The following LCA5L variants were observed in gnomAD, a reference collection of about 807,000 sequenced individuals.
LCA5L encodes the protein lebercilin-like protein.
A neutral mutation model predicts 45.4 loss-of-function variants in LCA5L; 35 were observed. The observed-to-expected ratio is 0.77, with a 90% CI of 0.59 to 1.02. The LOEUF is 1.02. Among genes scored for constraint, LCA5L ranks in the 50% least tolerant of loss-of-function variants. LCA5L has a pLI of 0.00. For missense variants in LCA5L, 668 were observed against 761.6 expected, an observed-to-expected ratio of 0.88 and a Z score of 1.45; for synonymous variants, 233 against 264.7, an observed-to-expected ratio of 0.88 and a Z score of 1.16.
At position 39,420,021 on chromosome 21, in the gene LCA5L, T is replaced by G. The variant is rs180985351; in HGVS notation, c.975+685A>C. Among the ~76,000 whole-genome samples, 10 of 152,300 alleles carry G rather than the reference T, an allele frequency of 6.6e-5. No individual in the cohort carries two copies. The East Asian group carries it at 1.9e-3, about 29-fold the overall frequency. ...AATATTATGTTTTTAAACGTTAATT[T>G]TGAGTTACATTAAAATGTTAACAAA... On this transcript the variant is annotated intron_variant, in intron 7 of 10. Coordinates refer to ENST00000288350, the MANE Select transcript of LCA5L (RefSeq NM_152505.4).
chr21:39,442,877 G>T (rs1395120432), intron 2 of LCA5L, among the ~76,000 whole-genome samples: 14 of 150,028 alleles, frequency 9.3e-5, no homozygotes, highest in Admixed American at 9.2e-4. Context: ...GTGTGAATCT[G>T]TGCCTTGTGC....
intron 7 of LCA5L, among the ~76,000 whole-genome samples, chr21:39,415,608 C>T (rs2040992236): frequency 6.6e-6 from 1 of 152,170 alleles, no homozygotes; most frequent in African/African-American, 2.4e-5. Context: ...TCAATAATTC[C>T]TTCACATAAT....
At chr21:39,419,480 G>C (rs924251341) in intron 7 of LCA5L, among the ~76,000 whole-genome samples, 1 of 144,674 alleles carries the variant, frequency 6.9e-6, no homozygotes, top group Non-Finnish European at 1.5e-5. Context: ...AGCCAGGATG[G>C]TGCCACCGCA....
At chr21:39,414,738 CTCTCTGTG>C (rs1301272188) in intron 7 of LCA5L, among the ~76,000 whole-genome samples, 128 of 107,376 alleles carry the variant, frequency 1.2e-3, no homozygotes, top group Middle Eastern at 5.3e-3. Context: ...CTCTCTCTCT[CTCTCTGTG>C]TGTGTGTGTG....
Position 39,419,523 on chromosome 21 carries a change from C to CAAAAA in LCA5L, c.975+1178_975+1182dup, listed in dbSNP as rs5843964. Among the ~76,000 whole-genome samples the CAAAAA allele has an allele frequency of 1.9e-4, 24 of 123,530 alleles. No individual in the cohort carries two copies. The South Asian group carries it at 4.9e-3, about 25-fold the overall frequency. 81.0% of individuals were successfully genotyped at this position (123,530 alleles called of 152,430 possible). ...CTGGGCAACAGAGCAAGACCCTGTT[C>CAAAAA]AAAAAAAAAAAAGAAAAAAGAAAAA... is the stretch of plus-strand genomic sequence containing the variant. On this transcript the variant is annotated intron_variant, in intron 7 of 10. Transcript: ENST00000288350.
At chr21:39,408,060 C>G (rs1017957932) in intron 10 of LCA5L, 1 of 152,222 alleles carries the variant, frequency 6.6e-6, no homozygotes, top group Non-Finnish European at 1.5e-5. Context: ...ATTTGCAGCC[C>G]TGAATGAACT....
At chr21:39,439,366 G>GT (rs2076590245) in intron 2 of LCA5L, among the ~76,000 whole-genome samples, 1 of 152,196 alleles carries the variant, frequency 6.6e-6, no homozygotes, top group Admixed American at 6.5e-5. Flanking sequence ...CTCCAGAGCT[G>GT]TAAGAAAATA....
At chr21:39,414,713 C>CCTCTCTCTCT (rs147915021) in intron 7 of LCA5L, among the ~76,000 whole-genome samples, 3 of 119,882 alleles carry the variant, frequency 2.5e-5, no homozygotes, top group East Asian at 2.4e-4. Context: ...TGGTTCTCTC[C>CCTCTCTCTCT]CTCTCTCTCT....
In LCA5L at chr21:39,445,716, G is replaced by A. The variant is rs749128906; in HGVS notation, c.-313+9C>T. ...CTGAGGGGGACGACGGCAGCAGCGG[G>A]GCCGTTACCTGCTCCGCGCTGTTCC... On this transcript the variant is annotated intron_variant, in intron 1 of 10. Coordinates refer to ENST00000288350, the MANE Select transcript of LCA5L (RefSeq NM_152505.4). The A allele has an allele frequency of 1.4e-4, 22 of 152,358 alleles. No homozygotes were observed. The highest frequency in any genetic ancestry group is 3.9e-4 in the East Asian group (2 of 5,194). 9.4% of individuals were successfully genotyped at this position (152,358 alleles called of 1,614,324 possible). A position where few individuals can be genotyped will look rare whatever the true frequency, so the allele number is the denominator to read the frequency against.
chr21:39,423,243 C>A lies in LCA5L; in HGVS notation c.570G>T (p.Glu190Asp). Residue 190 changes from glutamate (E) to aspartate (D), a missense_variant, in exon 6 of 11, where the codon GAG (glutamate) becomes GAT (aspartate). By Grantham distance (45) the Glu-to-Asp change is conservative. Transcript: ENST00000288350. ...LRHLKAIGKY[E>D]NSQNNLPQIM... ...TTTGAGGTAGATTATTTTGTGAATT[C>A]TCATATTTTCCTATAGCTTTCAAAT... 3 of 1,610,034 alleles carry A rather than the reference C, an allele frequency of 1.9e-6. No individual in the cohort carries two copies. Among genetic ancestry groups the A allele is most frequent in the South Asian group, 1.1e-5 (1 of 89,416 alleles).
Position 39,406,446 on chromosome 21 carries a change from ATT to A in LCA5L, c.1447_1448del (p.Asn483SerfsTer11). On this transcript the variant is annotated frameshift_variant, in exon 11 of 11. Coordinates refer to ENST00000288350, the MANE Select transcript of LCA5L (RefSeq NM_152505.4). LOFTEE classifies it low-confidence loss of function (END_TRUNC). Reference sequence around the variant, plus strand: ...TTTCTCTTACTAGAACATCTTCTTGATTGCTTTCTCTTTCAGGATGAATAACT... The same window carrying A: ...TTTCTCTTACTAGAACATCTTCTTGAGCTTTCTCTTTCAGGATGAATAACT... ...IEVIHPERES[N>X]QEDVLVREKF... is the part of the protein sequence containing the mutation. 1 of 1,613,940 alleles carries A rather than the reference ATT, an allele frequency of 6.2e-7. No homozygotes were observed. The highest frequency in any genetic ancestry group is 8.5e-7 in the Non-Finnish European group (1 of 1,179,952).
chr21:39,412,557 A>AG (rs1332179987), intron 7 of LCA5L, among the ~76,000 whole-genome samples: 1 of 151,974 alleles, frequency 6.6e-6, no homozygotes, highest in African/African-American at 2.4e-5. Context: ...TGAAGTAAGG[A>AG]GGAAGGAACC....
Position 39,430,570 on chromosome 21 carries a change from T to C in LCA5L, c.-91-1359A>G, listed in dbSNP as rs192772628. Among the ~76,000 whole-genome samples, 18 of 152,176 alleles carry C rather than the reference T, an allele frequency of 1.2e-4. No individual in the cohort carries two copies. The East Asian group carries it at 3.5e-3, about 29-fold the overall frequency. On this transcript the variant is annotated intron_variant, in intron 3 of 10. Coordinates refer to ENST00000288350, the MANE Select transcript of LCA5L (RefSeq NM_152505.4). Reference sequence around the variant, plus strand: ...AATGTGAGTGACACCACCAATCCCATAGGGTTGAGAAAGAAAAGAAGCTTA... The same window carrying C: ...AATGTGAGTGACACCACCAATCCCACAGGGTTGAGAAAGAAAAGAAGCTTA...
chr21:39,411,848 G>T, intron 7 of LCA5L, 46 bp from the exon 8 acceptor site: 1 of 1,071,982 alleles, frequency 9.3e-7, no homozygotes, highest in Non-Finnish European at 1.4e-6. Context: ...GCTTGCTTTT[G>T]TCAACCCTGA....
intron 2 of LCA5L, chr21:39,439,613 T>C (rs2076615426): frequency 6.6e-6 from 1 of 152,238 alleles, no homozygotes. Flanking sequence ...TTGGACTATA[T>C]CTAGGAACAA....
At chr21:39,410,424 G>T in intron 8 of LCA5L, 57 bp from the exon 9 acceptor site, 1 of 894,704 alleles carries the variant, frequency 1.1e-6, no homozygotes, top group Non-Finnish European at 1.8e-6. Flanking sequence ...ATACAATATT[G>T]ATTTTAAACA....
chr21:39,422,218 G>C (rs1289213237), intron 6 of LCA5L: 1 of 152,184 alleles, frequency 6.6e-6, no homozygotes, highest in African/African-American at 2.4e-5. Flanking sequence ...TCGTGTTTCA[G>C]CATCAAATAT....
intron 7 of LCA5L, among the ~76,000 whole-genome samples, 184 bp downstream of exon 7, chr21:39,420,522 C>CAAAAAA (rs397972848): frequency 0.016 from 1,389 of 87,122 alleles, 148 homozygotes; most frequent in African/African-American, 0.051. Flanking sequence ...GATTCTATCT[C>CAAAAAA]AAAAAAAAAA....
At chr21:39,436,996 G>A (rs1025722179) in intron 2 of LCA5L, among the ~76,000 whole-genome samples, 6 of 152,136 alleles carry the variant, frequency 3.9e-5, no homozygotes, top group Non-Finnish European at 7.3e-5. Flanking sequence ...TGCTTCACAA[G>A]GCATGCATTC....
Sources: allele counts gnomAD v4.1 joint callset (sites outside exome capture counted in the v4.1 genomes callset), GRCh38; gene constraint gnomAD v4.1.1; transcripts MANE v1.5; gene names NCBI Gene and HGNC (gene_info 2026-07-23, HGNC 2026-07-21).